The following XIRP2 variants were observed in gnomAD, a reference collection of about 807,000 sequenced individuals.
XIRP2 encodes the protein xin actin binding repeat containing 2.
In XIRP2, 236 loss-of-function variants were observed where a neutral mutation model predicts 277.0. The ratio of observed to expected loss-of-function variants is 0.85; its 90% CI spans 0.77 to 0.95. XIRP2 has a LOEUF of 0.95. XIRP2 is among the 40% of genes least tolerant of loss of function. The pLI, the probability that XIRP2 is intolerant of heterozygous loss-of-function variation, is 0.00. For missense variants in XIRP2, 4,640 were observed against 4,157.5 expected (o/e 1.12, Z -3.19); for synonymous variants, 1,490 against 1,416.5 (o/e 1.05, Z -1.17).
chr2:166,952,516 C>T (rs373207659), intron 2 of XIRP2, among the ~76,000 whole-genome samples: 3 of 152,038 alleles, frequency 2.0e-5, no homozygotes, highest in Non-Finnish European at 2.9e-5. Context: ...TAGAATTATA[C>T]AAATTTCACA....
intron 2 of XIRP2, among the ~76,000 whole-genome samples, chr2:166,910,566 C>T (rs978050552): frequency 6.6e-6 from 1 of 152,082 alleles, no homozygotes; most frequent in Non-Finnish European, 1.5e-5. Context: ...AAAACCAGCT[C>T]CTGGATTCGT....
chr2:167,077,040 T>C (rs985785271), intron 2 of XIRP2, among the ~76,000 whole-genome samples: 8 of 151,964 alleles, frequency 5.3e-5, no homozygotes, highest in African/African-American at 1.7e-4. Context: ...TTTGTAGAGA[T>C]GGGGTCTCGC....
At chr2:167,122,454 C>G (rs1006095395) in intron 2 of XIRP2, among the ~76,000 whole-genome samples, 1 of 152,168 alleles carries the variant, frequency 6.6e-6, no homozygotes, top group East Asian at 1.9e-4. Flanking sequence ...AGAGAAATAA[C>G]AGGCATCAGA....
chr2:167,067,106 G>C (rs192015865), intron 2 of XIRP2, among the ~76,000 whole-genome samples: 2 of 151,982 alleles, frequency 1.3e-5, no homozygotes, highest in Non-Finnish European at 2.9e-5. Flanking sequence ...TTTAGCCATT[G>C]GTTCTTCAAA....
chr2:167,167,657 A>G (rs1692563543), intron 3 of XIRP2, among the ~76,000 whole-genome samples: 1 of 152,126 alleles, frequency 6.6e-6, no homozygotes, highest in Non-Finnish European at 1.5e-5. Flanking sequence ...TATCCCTTGT[A>G]TCATTGCTGT....
intron 2 of XIRP2, among the ~76,000 whole-genome samples, chr2:167,072,332 T>C (rs1461256554): frequency 6.6e-6 from 1 of 152,170 alleles, no homozygotes; most frequent in African/African-American, 2.4e-5. Flanking sequence ...AGCAAAAATT[T>C]TAACCATATC....
At chr2:167,041,608 C>T (rs1022285822) in intron 2 of XIRP2, among the ~76,000 whole-genome samples, 6 of 152,056 alleles carry the variant, frequency 3.9e-5, no homozygotes, top group Non-Finnish European at 4.4e-5. Flanking sequence ...TAATTCTACT[C>T]AGTCAGACAA....
intron 2 of XIRP2, among the ~76,000 whole-genome samples, chr2:167,118,857 T>G (rs1441258321): frequency 6.6e-6 from 1 of 152,116 alleles, no homozygotes; most frequent in Non-Finnish European, 1.5e-5. Flanking sequence ...TATGTATCCA[T>G]ACTGAAAAAG....
Position 167,245,025 on chromosome 2 carries a change from T to C in XIRP2, c.3633T>C (p.Ser1211=), listed in dbSNP as rs776077234. Residue 1211 remains serine, a synonymous_variant, in exon 9 of 11, where the codon TCT becomes TCC. Coordinates refer to ENST00000409195, the MANE Select transcript of XIRP2 (RefSeq NM_152381.6). ...RYKFENQSLD[S]ISSSSEEVLK... ...AATTTGAAAATCAGTCCTTAGATTC[T>C]ATAAGTTCTAGTTCAGAGGAAGTTT... 6.2e-7 allele frequency: 1 copy of C among 1,613,316 alleles called. No homozygotes were observed. Among genetic ancestry groups the C allele is most frequent in the South Asian group, 1.1e-5 (1 of 90,944 alleles).
chr2:167,117,114 A>T (rs916544251), intron 2 of XIRP2, among the ~76,000 whole-genome samples: 9 of 152,208 alleles, frequency 5.9e-5, no homozygotes, highest in Admixed American at 5.2e-4. Context: ...AGTAAGAGGC[A>T]TAAAATTTAT....
At chr2:167,143,689 A>T (rs1486273984) in intron 3 of XIRP2, among the ~76,000 whole-genome samples, 3 of 152,040 alleles carry the variant, frequency 2.0e-5, no homozygotes, top group African/African-American at 7.2e-5. Flanking sequence ...AAAAGGAAAA[A>T]CTTGGTTTTT....
intron 2 of XIRP2, among the ~76,000 whole-genome samples, chr2:167,040,816 G>A (rs191163411): frequency 6.6e-6 from 1 of 152,216 alleles, no homozygotes. Context: ...GCTTTTGCAG[G>A]GTGGGCCCCC....
At chr2:167,141,891 T>C (rs768675702) in intron 3 of XIRP2, among the ~76,000 whole-genome samples, 1 of 151,906 alleles carries the variant, frequency 6.6e-6, no homozygotes, top group Non-Finnish European at 1.5e-5. Context: ...AAAATATACA[T>C]AGTTATATTT....
At chr2:167,078,018 G>GA (rs1354110519) in intron 2 of XIRP2, among the ~76,000 whole-genome samples, 1 of 152,172 alleles carries the variant, frequency 6.6e-6, no homozygotes, top group Non-Finnish European at 1.5e-5. Context: ...TTTGAAAAAT[G>GA]ACGTTAGTAG....
chr2:166,963,110 G>T (rs757812637), intron 2 of XIRP2, among the ~76,000 whole-genome samples: 1 of 151,374 alleles, frequency 6.6e-6, no homozygotes, highest in Non-Finnish European at 1.5e-5. Context: ...ATATTGCAAT[G>T]CATCTCATGA....
intron 3 of XIRP2, among the ~76,000 whole-genome samples, chr2:167,150,233 G>A (rs188111577): frequency 1.3e-5 from 2 of 151,948 alleles, no homozygotes; most frequent in East Asian, 1.9e-4. Context: ...CATCAGAATG[G>A]CCAAAAAATT....
chr2:167,088,203 A>C (rs1176706511), intron 2 of XIRP2, among the ~76,000 whole-genome samples: 2 of 152,146 alleles, frequency 1.3e-5, no homozygotes, highest in Non-Finnish European at 2.9e-5. Flanking sequence ...CTTGGTCTGC[A>C]GCATTTTATG....
Position 167,241,795 on chromosome 2 carries a change from A to G in XIRP2, c.1061A>G (p.Asp354Gly), listed in dbSNP as rs1695076105. Reference protein sequence around the residue: ...VQETVIDTPEDEEIPKVSTKL... With the variant: ...VQETVIDTPEGEEIPKVSTKL... ...TTTGTAGTCATTGATACACCTGAGGATGAAGAGATTCCAAAGGTTTCGACT... is the reference window on the plus strand; with the variant it reads ...TTTGTAGTCATTGATACACCTGAGGGTGAAGAGATTCCAAAGGTTTCGACT... The change falls in exon 8 of 11, where the codon GAT becomes GGT. Residue 354 changes from aspartate to glycine, a missense_variant. Coordinates refer to ENST00000409195, the MANE Select transcript of XIRP2 (RefSeq NM_152381.6). 1 of 1,612,370 alleles carries G rather than the reference A, an allele frequency of 6.2e-7. No individual in the cohort carries two copies. Among genetic ancestry groups the G allele is most frequent in the Non-Finnish European group, 8.5e-7 (1 of 1,179,216 alleles).
chr2:167,248,169 T>C lies in XIRP2; in HGVS notation c.6777T>C (p.Thr2259=), dbSNP rs927589311. The change falls in exon 9 of 11, where the codon ACT becomes ACC. Residue 2259 remains threonine, a synonymous_variant. Transcript: ENST00000409195. ...AGGACTTTCTAATGAAAACAAATACTTCCACAGGCTTAAAAATGGCAATGG... is the reference window on the plus strand; with the variant it reads ...AGGACTTTCTAATGAAAACAAATACCTCCACAGGCTTAAAAATGGCAATGG... The part of the protein sequence containing the change: ...KSQDFLMKTN[T]STGLKMAMER... The C allele has an allele frequency of 1.2e-6, 2 of 1,613,732 alleles. No homozygotes were observed. The highest frequency in any genetic ancestry group is 3.3e-5 in the Admixed American group (2 of 59,978).
Sources: allele counts gnomAD v4.1 joint callset (sites outside exome capture counted in the v4.1 genomes callset), GRCh38; gene constraint gnomAD v4.1.1; transcripts MANE v1.5; gene names NCBI Gene and HGNC (gene_info 2026-07-23, HGNC 2026-07-21).